PARP16: variants seen among roughly 807,000 people sequenced by gnomAD.
PARP16 encodes the protein poly(ADP-ribose) polymerase family member 16.
A neutral mutation model predicts 35.0 loss-of-function variants in PARP16; 31 were observed. The observed-to-expected ratio is 0.88, with a 90% CI of 0.66 to 1.19. The LOEUF is 1.19. Among genes scored for constraint, PARP16 ranks in the 50% most tolerant of loss-of-function variants. PARP16 has a pLI of 0.00. For missense variants in PARP16, 424 were observed against 411.2 expected (o/e 1.03, Z -0.27); for synonymous variants, 162 against 169.5 (o/e 0.96, Z 0.34).
rs1307152718 is a variant in PARP16 at position 65,239,452 on chromosome 15, A to AG, written c.*98-4630_*98-4629insC. Among the ~76,000 whole-genome samples the AG allele has an allele frequency of 5.1e-3, 577 of 113,048 alleles. 17 individuals are homozygous for AG. The highest frequency in any genetic ancestry group is 0.016 in the African/African-American group (493 of 31,608). The allele number at this position is 113,048 out of a possible 152,430, so 74.2% of individuals were successfully genotyped here. A position where few individuals can be genotyped will look rare whatever the true frequency, so the allele number is the denominator to read the frequency against. ...AAAAAAAAAAAAAAAAAAAAAAAAA[A>AG]AGAGAGAAAAGAAAAAAAAAAGAAA... On this transcript the variant is annotated intron_variant and NMD_transcript_variant, in intron 3 of 3. Coordinates refer to the PARP16 transcript ENST00000559805.
intron 1 of PARP16, among the ~76,000 whole-genome samples, chr15:65,271,566 T>C (rs1285122305): frequency 6.6e-6 from 1 of 152,018 alleles, no homozygotes; most frequent in Non-Finnish European, 1.5e-5. Context: ...TGAACCACCA[T>C]GCCCAGCCTT....
intron 5 of PARP16, 149 bp downstream of exon 5, chr15:65,260,736 T>C: frequency 2.9e-6 from 2 of 689,750 alleles, no homozygotes; most frequent in South Asian, 1.9e-5. Flanking sequence ...CCAGATCCTA[T>C]CTCTCACTTC....
intron 3 of PARP16, among the ~76,000 whole-genome samples, chr15:65,241,303 G>C (rs896981332): frequency 4.0e-5 from 6 of 151,304 alleles, no homozygotes; most frequent in Admixed American, 6.6e-5. Context: ...ACCACACCCA[G>C]CTAATTTTTG....
intron 3 of PARP16, among the ~76,000 whole-genome samples, chr15:65,235,269 T>C (rs8027571): frequency 0.022 from 3,314 of 151,946 alleles, 109 homozygotes; most frequent in African/African-American, 0.071. Flanking sequence ...ATCGCGCCAC[T>C]GCACTTCAGC....
At chr15:65,236,713 C>A (rs55723851) in intron 3 of PARP16, among the ~76,000 whole-genome samples, 36,045 of 152,144 alleles carry the variant, frequency 0.24, 4,821 homozygotes, top group Admixed American at 0.32. Context: ...TGGCTTATGC[C>A]TGTAATCCCA....
chr15:65,281,759 T>C (rs2090428886), intron 1 of PARP16, among the ~76,000 whole-genome samples: 1 of 150,662 alleles, frequency 6.6e-6, no homozygotes, highest in South Asian at 2.1e-4. Flanking sequence ...ACCTCAGGGA[T>C]AATTTGGGAC....
intron 2 of PARP16, among the ~76,000 whole-genome samples, chr15:65,249,902 T>C (rs1250207075): frequency 1.3e-5 from 2 of 152,114 alleles, no homozygotes; most frequent in African/African-American, 4.8e-5. Context: ...TGAGTGGGTG[T>C]TGGGGGACTT....
chr15:65,234,270 C>T (rs1023043408), downstream of PARP16, among the ~76,000 whole-genome samples: 10 of 152,178 alleles, frequency 6.6e-5, no homozygotes, highest in African/African-American at 2.4e-4. Context: ...GTGTGAGCCA[C>T]TGCATCAGGC....
At chr15:65,282,728 A>C (rs944831923) in intron 1 of PARP16, 9 of 152,212 alleles carry the variant, frequency 5.9e-5, no homozygotes, top group African/African-American at 1.7e-4. Context: ...TGGTACAATA[A>C]ACCCCATGGG....
downstream of PARP16, among the ~76,000 whole-genome samples, chr15:65,255,804 C>T (rs1001887807): frequency 1.3e-5 from 2 of 151,248 alleles, no homozygotes; most frequent in Non-Finnish European, 2.9e-5. Context: ...CAAATGTTGC[C>T]GGAATGAGAG....
At chr15:65,278,382 G>A (rs2090320527) in intron 1 of PARP16, among the ~76,000 whole-genome samples, 1 of 152,202 alleles carries the variant, frequency 6.6e-6, no homozygotes, top group African/African-American at 2.4e-5. Context: ...AACAAAACCC[G>A]TCAGCTCACA....
downstream of PARP16, among the ~76,000 whole-genome samples, chr15:65,232,876 G>C (rs2088796232): frequency 6.7e-6 from 1 of 149,652 alleles, no homozygotes; most frequent in South Asian, 2.1e-4. Context: ...AGCCAACATA[G>C]TGAGAGCCCC....
intron 3 of PARP16, among the ~76,000 whole-genome samples, chr15:65,244,268 C>T (rs1378260054): frequency 6.6e-6 from 1 of 152,188 alleles, no homozygotes; most frequent in Non-Finnish European, 1.5e-5. Context: ...ACAGATCACA[C>T]TCCATCATTG....
downstream of PARP16, among the ~76,000 whole-genome samples, chr15:65,257,629 C>CAAAA (rs5813342): frequency 4.5e-5 from 3 of 66,906 alleles, no homozygotes; most frequent in African/African-American, 1.2e-4. Context: ...GACTCTGTCT[C>CAAAA]AAAAAAAAAA....
intron 2 of PARP16, among the ~76,000 whole-genome samples, chr15:65,269,223 G>T (rs1391546744): frequency 3.2e-5 from 3 of 95,174 alleles, no homozygotes; most frequent in Non-Finnish European, 2.2e-5. Context: ...TTGAGATACA[G>T]TCTTGCACTG....
chr15:65,267,177 G>T (rs1410740546), intron 2 of PARP16, among the ~76,000 whole-genome samples: 6 of 151,878 alleles, frequency 4.0e-5, no homozygotes, highest in African/African-American at 1.5e-4. Flanking sequence ...GGAGGTGGAG[G>T]TTGCAGTGAG....
intron 2 of PARP16, among the ~76,000 whole-genome samples, chr15:65,249,473 G>A (rs567151776): frequency 6.6e-6 from 1 of 152,338 alleles, no homozygotes; most frequent in South Asian, 2.1e-4. Context: ...CAGGAGAAAT[G>A]TCTCGTTCAA....
At chr15:65,239,659 CTT>C (rs71136328) in intron 3 of PARP16, among the ~76,000 whole-genome samples, 100 of 129,344 alleles carry the variant, frequency 7.7e-4, no homozygotes, top group Admixed American at 1.2e-3. Flanking sequence ...GTAATTTTTT[CTT>C]TTTTTTTTTT....
downstream of PARP16, among the ~76,000 whole-genome samples, chr15:65,255,485 T>C (rs936637388): frequency 1.3e-5 from 2 of 151,978 alleles, no homozygotes; most frequent in Non-Finnish European, 2.9e-5. Context: ...CCAGGGCCCA[T>C]GGAAGTCATA....
Sources: allele counts gnomAD v4.1 joint callset (sites outside exome capture counted in the v4.1 genomes callset), GRCh38; gene constraint gnomAD v4.1.1; transcripts MANE v1.5; gene names NCBI Gene and HGNC (gene_info 2026-07-23, HGNC 2026-07-21).